The following ZNF219 variants were observed in gnomAD, a reference collection of about 807,000 sequenced individuals.
ZNF219 encodes the protein zinc finger protein 219.
A neutral mutation model predicts 54.4 loss-of-function variants in ZNF219; 17 were observed. That is an observed-to-expected ratio of 0.31 (90% CI 0.21 to 0.47). The LOEUF is 0.47. ZNF219 is among the 20% of genes least tolerant of loss of function. The pLI is 1.00. For synonymous variants in ZNF219, 518 were observed against 476.4 expected (o/e 1.09, Z -1.14); for missense variants, 1,014 against 1,062.3 (o/e 0.95, Z 0.63).
upstream of ZNF219, chr14:21,103,358 T>A (rs1221686867): frequency 6.8e-7 from 1 of 1,462,670 alleles, no homozygotes. Context: ...GCCTTCAGTT[T>A]TCACTCAAAG....
In ZNF219 at chr14:21,090,414, T is replaced by G. The variant is rs372467298; in HGVS notation, c.*122A>C. On this transcript the variant is annotated 3_prime_UTR_variant, in exon 5 of 5. Coordinates refer to ENST00000360947, the MANE Select transcript of ZNF219 (RefSeq NM_016423.3). This position sits in a 1 kb window ranked among gnomAD's most constrained non-coding sequence, Gnocchi z 4.4. ...CGCCCGCCGCGCCTTCCACCTCTGG[T>G]CCGCCTGGGGCTGGGATATGGGTCC... The G allele has an allele frequency of 3.4e-4, 469 of 1,360,022 alleles. 1 individual carries two copies. The highest frequency in any genetic ancestry group is 1.3e-3 in the Admixed American group (57 of 42,360). 84.2% of individuals were successfully genotyped at this position (1,360,022 alleles called of 1,614,324 possible).
intron 4 of ZNF219, 123 bp from the exon 5 acceptor site, chr14:21,091,263 T>G (rs1888847029): frequency 1.3e-5 from 20 of 1,507,668 alleles, no homozygotes; most frequent in Non-Finnish European, 1.7e-5. Context: ...TCCCACCCAC[T>G]TTGATTTAAT....
intron 1 of ZNF219, among the ~76,000 whole-genome samples, chr14:21,096,978 T>C (rs1889306083): frequency 6.6e-6 from 1 of 152,204 alleles, no homozygotes; most frequent in East Asian, 1.9e-4. Context: ...GTTTTCCCTC[T>C]TGAGAATCCT....
chr14:21,098,864 G>A (rs1354512226), upstream of ZNF219: 3 of 1,285,760 alleles, frequency 2.3e-6, no homozygotes, highest in African/African-American at 3.0e-5. Context: ...ACAGACTCGG[G>A]AAGTTCTTCC....
At chr14:21,101,648 T>G (rs1889637692), upstream of ZNF219, 1 of 654,906 alleles carries the variant, frequency 1.5e-6, no homozygotes, top group South Asian at 2.0e-5. Flanking sequence ...GCTTCCATCT[T>G]GTGGGGGAAA....
At position 21,091,891 on chromosome 14, in the gene ZNF219, G is replaced by A; in HGVS notation, c.1406C>T (p.Ala469Val). Residue 469 changes from alanine (A) to valine (V), a missense_variant, in exon 3 of 5, where the codon GCC becomes GTC. This residue lies in a region of ZNF219 where 272 missense variants were observed against 248.9 expected (regional missense o/e 1.09). Transcript: ENST00000360947. Reference protein sequence around the residue: ...GPGHSASAAGAQARSTATQEE... With the variant: ...GPGHSASAAGVQARSTATQEE... ...CTGCGTGGCGGTCGATCTTGCCTGG[G>A]CCCCAGCAGCAGAGGCAGAGTGCCC... 1 of 1,577,830 alleles carries A rather than the reference G, an allele frequency of 6.3e-7. No individual in the cohort carries two copies. The highest frequency in any genetic ancestry group is 8.6e-7 in the Non-Finnish European group (1 of 1,165,436).
At position 21,098,577 on chromosome 14, in the gene ZNF219, G is replaced by A; in HGVS notation, c.-349C>T. On this transcript the variant is annotated 5_prime_UTR_variant, in exon 1 of 5. Coordinates refer to ENST00000360947, the MANE Select transcript of ZNF219 (RefSeq NM_016423.3). Reference sequence around the variant, plus strand: ...GGAGCCGCGCGGGAGCCGGGCTCTGGCTCCGGGGACAGGGAGCTGGGGACC... The same window carrying A: ...GGAGCCGCGCGGGAGCCGGGCTCTGACTCCGGGGACAGGGAGCTGGGGACC... 18 of 995,172 alleles carry A rather than the reference G, an allele frequency of 1.8e-5. No homozygotes were observed. Among genetic ancestry groups the A allele is most frequent in the Non-Finnish European group, 2.2e-5 (18 of 835,874 alleles). 61.6% of individuals were successfully genotyped at this position (995,172 alleles called of 1,614,324 possible).
In ZNF219 at chr14:21,090,958, G is replaced by GCGGAGA. The variant is rs775158635; in HGVS notation, c.1741_1746dup (p.Ser581_Pro582dup). 8 of 1,550,948 alleles carry GCGGAGA rather than the reference G, an allele frequency of 5.2e-6. No individual in the cohort carries two copies. Among genetic ancestry groups the GCGGAGA allele is most frequent in the Non-Finnish European group, 8.7e-7 (1 of 1,154,432 alleles). Reference sequence around the variant, plus strand: ...GCGCCCTCCACCCAGGTCGCAGGCTGCGGAGACGGCTTGGCTCCAGATTGC... The same window carrying GCGGAGA: ...GCGCCCTCCACCCAGGTCGCAGGCTGCGGAGACGGAGACGGCTTGGCTCCAGATTGC... On this transcript the variant is annotated inframe_insertion, in exon 5 of 5. Coordinates refer to ENST00000360947, the MANE Select transcript of ZNF219 (RefSeq NM_016423.3). The surrounding 1 kb of genome is among the most constrained non-coding windows in gnomAD (Gnocchi z 4.4).
At chr14:21,101,102 C>T (rs1466189512), upstream of ZNF219, 2 of 376,926 alleles carry the variant, frequency 5.3e-6, no homozygotes, top group South Asian at 2.8e-5. Flanking sequence ...ACAAGTTTGT[C>T]GTCTGCTCTG....
upstream of ZNF219, chr14:21,103,147 T>C (rs1181749660): frequency 6.4e-7 from 1 of 1,551,590 alleles, no homozygotes; most frequent in East Asian, 2.4e-5. Context: ...AGGGCTTCTC[T>C]GAGTTGGAAG....
upstream of ZNF219, chr14:21,098,816 A>G: frequency 1.6e-6 from 2 of 1,287,902 alleles, no homozygotes; most frequent in Non-Finnish European, 2.0e-6. Context: ...CATACCAGGG[A>G]AGGAGTTGGC....
At chr14:21,103,308 C>A, upstream of ZNF219, 2 of 1,529,400 alleles carry the variant, frequency 1.3e-6, no homozygotes, top group Admixed American at 2.1e-5. Flanking sequence ...AACTCAGAAG[C>A]TTGCTGGGAT....
At chr14:21,102,588 A>C, upstream of ZNF219, 1 of 1,551,066 alleles carries the variant, frequency 6.4e-7, no homozygotes, top group Non-Finnish European at 8.7e-7. Context: ...GGGCAGGGGC[A>C]AACAGGTGCG....
upstream of ZNF219, chr14:21,101,824 C>T (rs905544156): frequency 3.4e-6 from 5 of 1,469,364 alleles, no homozygotes; most frequent in African/African-American, 7.0e-5. Context: ...GGGAGGGAAT[C>T]CCTGACAGTT....
chr14:21,096,668 C>T lies in ZNF219; in HGVS notation c.-84+1644G>A, dbSNP rs181349159. On this transcript the variant is annotated intron_variant, in intron 1 of 4. Transcript: ENST00000360947. ...TTTGGATTCTATAAGGATGCGGGGC[C>T]AGGGATAGATATCAGAAACCTTTCA... is the stretch of plus-strand genomic sequence containing the variant. Among the ~76,000 whole-genome samples the T allele has an allele frequency of 3.5e-3, 531 of 152,282 alleles. 10 individuals are homozygous for T. Among genetic ancestry groups the T allele is most frequent in the Admixed American group, 0.017 (262 of 15,296 alleles).
In ZNF219 at chr14:21,090,952, C is replaced by A; in HGVS notation, c.1753G>T (p.Ala585Ser). 6.5e-7 allele frequency: 1 copy of A among 1,549,840 alleles called. No individual in the cohort carries two copies. Among genetic ancestry groups the A allele is most frequent in the South Asian group, 1.2e-5 (1 of 84,882 alleles). The change falls in exon 5 of 5, where the codon GCG (alanine) becomes TCG (serine). Residue 585 changes from alanine to serine, a missense_variant. By Grantham distance (99) the Ala-to-Ser change is moderately conservative. Around this residue, in one of 5 missense-constraint regions of ZNF219, gnomAD observed 281 missense variants for 271.2 expected, o/e 1.04. Transcript: ENST00000360947. This position sits in a 1 kb window ranked among gnomAD's most constrained non-coding sequence, Gnocchi z 4.4. ...QSGAKPSPQP[A>S]TWVEGASSPR... The stretch of plus-strand genomic sequence containing the variant: ...CTTGAGGCGCCCTCCACCCAGGTCG[C>A]AGGCTGCGGAGACGGCTTGGCTCCA...
At chr14:21,095,010 G>C (rs1228324050) in intron 1 of ZNF219, among the ~76,000 whole-genome samples, 1 of 150,276 alleles carries the variant, frequency 6.7e-6, no homozygotes, top group Non-Finnish European at 1.5e-5. Context: ...GAAAGAAAAA[G>C]ATGCAAGCAT....
Position 21,090,583 on chromosome 14 carries a change from C to A in ZNF219, c.2122G>T (p.Gly708Trp). The change falls in exon 5 of 5, where the codon GGG becomes TGG. Residue 708 changes from glycine (G) to tryptophan (W), a missense_variant. Physicochemically the swap from Gly to Trp is radical, Grantham distance 184 (BLOSUM62 -2). This residue lies in a region of ZNF219 where 281 missense variants were observed against 271.2 expected (regional missense o/e 1.04). Coordinates refer to ENST00000360947, the MANE Select transcript of ZNF219 (RefSeq NM_016423.3). The surrounding 1 kb of genome is among the most constrained non-coding windows in gnomAD (Gnocchi z 4.4). The part of the protein sequence containing the change: ...SPSQEGEEGS[G>W]LSRPGEAGLG... The stretch of plus-strand genomic sequence containing the variant: ...CCTGCCTCTCCGGGTCTGGACAGCC[C>A]GGAGCCCTCCTCCCCTTCCTGCGAA... 6.2e-7 allele frequency: 1 copy of A among 1,609,118 alleles called. No homozygotes were observed. The highest frequency in any genetic ancestry group is 8.5e-7 in the Non-Finnish European group (1 of 1,177,386).
intron 3 of ZNF219, 100 bp downstream of exon 3, chr14:21,091,765 T>G: frequency 4.8e-6 from 7 of 1,458,438 alleles, no homozygotes; most frequent in Non-Finnish European, 6.3e-6. Flanking sequence ...TCAGGAGAAA[T>G]TAAACGTAAG....
Sources: allele counts gnomAD v4.1 joint callset (sites outside exome capture counted in the v4.1 genomes callset), GRCh38; gene constraint gnomAD v4.1.1; regional missense constraint gnomAD v4.1.1; non-coding constraint Gnocchi (gnomAD v3.1); transcripts MANE v1.5; gene names NCBI Gene and HGNC (gene_info 2026-07-23, HGNC 2026-07-21).